The following MINK1 variants were observed in gnomAD, a reference collection of about 807,000 sequenced individuals.
MINK1 encodes the protein misshapen like kinase 1, also known as misshapen-like kinase 1.
In MINK1, 46 loss-of-function variants were observed where a neutral mutation model predicts 178.4. The observed-to-expected ratio is 0.26, with a 90% confidence interval of 0.20 to 0.33. MINK1 has a LOEUF of 0.33. Ranked by LOEUF, MINK1 falls within the 10% of genes least tolerant of loss-of-function variation. The pLI is 1.00. For synonymous variants in MINK1, 797 were observed against 709.7 expected, an observed-to-expected ratio of 1.12 and a Z score of -1.96; for missense variants, 1,366 against 1,814.9, an observed-to-expected ratio of 0.75 and a Z score of 4.49.
chr17:4,864,778 C>T (rs72835035), intron 1 of MINK1, among the ~76,000 whole-genome samples: 11,334 of 152,120 alleles, frequency 0.075, 468 homozygotes, highest in Non-Finnish European at 0.094. Context: ...CTGAGATGGC[C>T]GATATGGGCA....
Position 4,887,693 on chromosome 17 carries a change from A to G in MINK1, c.1133A>G (p.Gln378Arg). 2 of 1,560,518 alleles carry G rather than the reference A, an allele frequency of 1.3e-6. No homozygotes were observed. The highest frequency in any genetic ancestry group is 8.7e-7 in the Non-Finnish European group (1 of 1,153,408). Residue 378 changes from glutamine (Q) to arginine (R), a missense_variant, in exon 12 of 32, where the codon CAG becomes CGG. By Grantham distance (43) the Gln-to-Arg change is conservative. Around this residue, in one of 14 missense-constraint regions of MINK1, gnomAD observed 56 missense variants for 64.0 expected, o/e 0.87. Transcript: ENST00000355280. The surrounding 1 kb of genome is among the most constrained non-coding windows in gnomAD (Gnocchi z 7.6). ...AAACAGCAGCAGCAGCTGCAGCAGC[A>G]GCAGCAGCGAGACCCCGAGGCACAC... Reference protein sequence around the residue: ...ALKQQQQLQQQQQRDPEAHIK... With the variant: ...ALKQQQQLQQRQQRDPEAHIK...
intron 13 of MINK1, 30 bp from the exon 14 acceptor site, chr17:4,890,487 T>C (rs778756036): frequency 3.8e-6 from 6 of 1,562,278 alleles, no homozygotes; most frequent in Non-Finnish European, 8.7e-7. Context: ...CACACCCTGC[T>C]GAGCCCTCTC....
At position 4,896,778 on chromosome 17, in the gene MINK1, C is replaced by G; in HGVS notation, c.3880C>G (p.Gln1294Glu). The G allele has an allele frequency of 1.3e-6, 2 of 1,586,004 alleles. No individual in the cohort carries two copies. Among genetic ancestry groups the G allele is most frequent in the Non-Finnish European group, 1.7e-6 (2 of 1,165,880 alleles). The change falls in exon 31 of 32, where the codon CAG becomes GAG. Residue 1294 changes from glutamine (Q) to glutamate (E), a missense_variant. This residue lies in a region of MINK1 where 201 missense variants were observed against 240.7 expected (regional missense o/e 0.84). Transcript: ENST00000355280. The surrounding 1 kb of genome is among the most constrained non-coding windows in gnomAD (Gnocchi z 4.6). ...CGGGGTCTTCATGCACAAACGAGCT[C>G]AGAGGCTCAAGTTCCTGTGTGAGCG... ...LDGVFMHKRAQRLKFLCERND... is the reference protein window; with the variant it reads ...LDGVFMHKRAERLKFLCERND...
intron 1 of MINK1, chr17:4,834,900 A>C: frequency 1.9e-6 from 1 of 519,150 alleles, no homozygotes; most frequent in Admixed American, 1.9e-5. Flanking sequence ...GCTGGAGGGG[A>C]GAGGGGAATT....
chr17:4,892,853 C>A (rs1027697564), intron 19 of MINK1, 85 bp downstream of exon 19: 3 of 1,406,600 alleles, frequency 2.1e-6, no homozygotes, highest in African/African-American at 1.4e-5. Flanking sequence ...TGGACTGGGG[C>A]ACCCACACGG....
In MINK1 at chr17:4,887,284, G is replaced by A. The variant is rs2151021035; in HGVS notation, c.1019+105G>A. ...TCTCAGCCTGGGGGTGGTGGGCACA[G>A]AGAGGTAGAGACTCCTGGAAACCAA... On this transcript the variant is annotated intron_variant, in intron 11 of 31. Transcript: ENST00000355280. This position sits in a 1 kb window ranked among gnomAD's most constrained non-coding sequence, Gnocchi z 7.6. 8.2e-7 allele frequency: 1 copy of A among 1,214,220 alleles called. No homozygotes were observed. Among genetic ancestry groups the A allele is most frequent in the Non-Finnish European group, 1.2e-6 (1 of 849,010 alleles). 75.2% of individuals were successfully genotyped at this position (1,214,220 alleles called of 1,614,324 possible). A position where few individuals can be genotyped will look rare whatever the true frequency, so the allele number is the denominator to read the frequency against.
chr17:4,880,970 C>A lies in MINK1; in HGVS notation c.124-14C>A. ...CACCCTCTGAGCATAGACTCAGATC[C>A]CTCTGTCCCGCAGGGTCGGCATGTC... On this transcript the variant is annotated splice_polypyrimidine_tract_variant and intron_variant, in intron 2 of 31. Transcript: ENST00000355280. The A allele has an allele frequency of 6.7e-7, 1 of 1,491,478 alleles. No homozygotes were observed. Among genetic ancestry groups the A allele is most frequent in the Non-Finnish European group, 8.9e-7 (1 of 1,124,202 alleles). The allele number at this position is 1,491,478 out of a possible 1,614,324, so 92.4% of individuals were successfully genotyped here.
At chr17:4,838,064 T>C (rs1909575497) in intron 1 of MINK1, among the ~76,000 whole-genome samples, 1 of 152,186 alleles carries the variant, frequency 6.6e-6, no homozygotes, top group African/African-American at 2.4e-5. Flanking sequence ...CAAATGTTGA[T>C]GACAGATGCC....
chr17:4,854,740 C>T (rs1361974859), intron 1 of MINK1: 1 of 491,648 alleles, frequency 2.0e-6, no homozygotes, highest in Non-Finnish European at 4.1e-6. Context: ...CATAAAAACA[C>T]TTCAAAACAC....
At chr17:4,877,321 GC>G (rs1040868873) in intron 1 of MINK1, among the ~76,000 whole-genome samples, 2 of 152,198 alleles carry the variant, frequency 1.3e-5, no homozygotes, top group Non-Finnish European at 2.9e-5. Context: ...CTTTGTTTGA[GC>G]CCTTCGGGCT....
chr17:4,886,917 C>T lies in MINK1; in HGVS notation c.950-193C>T, dbSNP rs1597538321. Among the ~76,000 whole-genome samples the T allele has an allele frequency of 6.6e-6, 1 of 150,896 alleles. No homozygotes were observed. The highest frequency in any genetic ancestry group is 1.5e-5 in the Non-Finnish European group (1 of 67,740). On this transcript the variant is annotated intron_variant, in intron 10 of 31. Transcript: ENST00000355280. This position sits in a 1 kb window ranked among gnomAD's most constrained non-coding sequence, Gnocchi z 6.1. ...CACAGGCTCTGCCACACCTCAGCTG[C>T]CCTGGGACCCAGTCCCGGTCCTGTC...
intron 2 of MINK1, among the ~76,000 whole-genome samples, chr17:4,880,300 CTTT>C (rs1301744231): frequency 2.2e-5 from 3 of 138,572 alleles, no homozygotes; most frequent in African/African-American, 2.7e-5. Flanking sequence ...TTTTTCTTTT[CTTT>C]TTTTTTTTTT....
chr17:4,896,835 A>C lies in MINK1; in HGVS notation c.3915+22A>C. The C allele has an allele frequency of 1.9e-6, 3 of 1,542,310 alleles. No individual in the cohort carries two copies. The highest frequency in any genetic ancestry group is 2.7e-5 in the African/African-American group (2 of 72,876). ...CAAGGTGGGAGGCTCCTTCCCTCTG[A>C]AAGCCCTGCTGTCCCGGCTGCCATG... is the stretch of plus-strand genomic sequence containing the variant. On this transcript the variant is annotated intron_variant, in intron 31 of 31. Transcript: ENST00000355280. The surrounding 1 kb of genome is among the most constrained non-coding windows in gnomAD (Gnocchi z 4.6).
At chr17:4,883,552 G>A (rs1383520547) in intron 4 of MINK1, among the ~76,000 whole-genome samples, 5 of 151,466 alleles carry the variant, frequency 3.3e-5, no homozygotes, top group Middle Eastern at 3.5e-3. Context: ...TGTTTTTTGA[G>A]ACAGAGTCTC....
In MINK1 at chr17:4,894,179, T is replaced by A; in HGVS notation, c.2676T>A (p.Pro892=). ...CCCTGCCCTCTGTCCTGTAGACCCC[T>A]GAAGAGGAGCGGAACCTGCTGCATG... is the stretch of plus-strand genomic sequence containing the variant. ...GGGTMVVQRT[P]EEERNLLHAD... Residue 892 remains proline (P), a synonymous_variant, in exon 23 of 32, where the codon CCT becomes CCA. Transcript: ENST00000355280. The surrounding 1 kb of genome is among the most constrained non-coding windows in gnomAD (Gnocchi z 4.1). The A allele has an allele frequency of 6.2e-7, 1 of 1,613,414 alleles. No homozygotes were observed. Among genetic ancestry groups the A allele is most frequent in the South Asian group, 1.1e-5 (1 of 91,058 alleles).
intron 1 of MINK1, among the ~76,000 whole-genome samples, chr17:4,835,396 G>A (rs188842290): frequency 1.3e-5 from 2 of 152,274 alleles, no homozygotes; most frequent in Admixed American, 1.3e-4. Flanking sequence ...GGGAGGCCGA[G>A]GTGGGGCATC....
chr17:4,849,002 A>G (rs558520695), intron 1 of MINK1, among the ~76,000 whole-genome samples: 28 of 152,184 alleles, frequency 1.8e-4, no homozygotes, highest in African/African-American at 6.7e-4. Context: ...TCTCCCCCTG[A>G]CTTAGTATTT....
chr17:4,881,023 G>C lies in MINK1; in HGVS notation c.163G>C (p.Val55Leu), dbSNP rs935725875. ...GACGGGGCAGCTGGCTGCCATCAAG[G>C]TCATGGATGTCACGGAGGTAGGGAG... ...VKTGQLAAIK[V>L]MDVTEDEEEE... Residue 55 changes from valine to leucine, a missense_variant, in exon 3 of 32, where the codon GTC (valine) becomes CTC (leucine). Coordinates refer to ENST00000355280, the MANE Select transcript of MINK1 (RefSeq NM_153827.5). 5.2e-6 allele frequency: 8 copies of C among 1,530,766 alleles called. No homozygotes were observed. In the South Asian group the frequency reaches 9.7e-5, roughly 18 times the overall value. The allele number at this position is 1,530,766 out of a possible 1,614,324, so 94.8% of individuals were successfully genotyped here.
rs1465031741 is a variant in MINK1, at chr17:4,893,603, G to C, written c.2564+6G>C. On this transcript the variant is annotated splice_donor_region_variant and intron_variant, in intron 21 of 31. Transcript: ENST00000355280. ...AGAGATACCCCTGGGGGCCGGTACG[G>C]CATCGGGAGTGGGGCCCTCCCACTC... 6.6e-7 allele frequency: 1 copy of C among 1,524,742 alleles called. No individual in the cohort carries two copies. Among genetic ancestry groups the C allele is most frequent in the East Asian group, 2.3e-5 (1 of 43,820 alleles). The allele number at this position is 1,524,742 out of a possible 1,614,324, so 94.5% of individuals were successfully genotyped here. A position where few individuals can be genotyped will look rare whatever the true frequency, so the allele number is the denominator to read the frequency against.
Sources: gnomAD v4.1 joint callset for allele counts (sites outside exome capture counted in the v4.1 genomes callset) on GRCh38, gnomAD v4.1.1 for gene constraint, gnomAD v4.1.1 regional missense constraint, Gnocchi (gnomAD v3.1) non-coding constraint, MANE v1.5 for transcripts, NCBI Gene and HGNC (gene_info 2026-07-23, HGNC 2026-07-21) for gene names.